Variants in PPP2R2C observed in about 807,000 individuals in gnomAD.
The protein encoded by PPP2R2C is protein phosphatase 2, regulatory subunit B, gamma.
In PPP2R2C, 10 loss-of-function variants were observed where a neutral mutation model predicts 45.3. The observed-to-expected ratio is 0.22, with a 90% CI of 0.14 to 0.37. PPP2R2C has a LOEUF of 0.37. PPP2R2C is among the 10% of genes least tolerant of loss of function. PPP2R2C has a pLI of 1.00. For missense variants in PPP2R2C, 308 were observed against 619.7 expected (o/e 0.50, Z 5.34); for synonymous variants, 257 against 245.4 (o/e 1.05, Z -0.44).
chr4:6,326,336 G>C (rs908251902), intron 8 of PPP2R2C, among the ~76,000 whole-genome samples: 1 of 152,154 alleles, frequency 6.6e-6, no homozygotes, highest in Non-Finnish European at 1.5e-5. Context: ...TAGGGATACA[G>C]CATGGGCCCC....
At chr4:6,393,366 C>A (rs1716786445) in intron 1 of PPP2R2C, among the ~76,000 whole-genome samples, 1 of 152,240 alleles carries the variant, frequency 6.6e-6, no homozygotes, top group African/African-American at 2.4e-5. Context: ...GTCTGCCTGG[C>A]TTCTTCCACT....
rs1172865221 is a variant in PPP2R2C, at chr4:6,364,324, G to A, written c.625+8199C>T. Among the ~76,000 whole-genome samples, 2 of 152,240 alleles carry A rather than the reference G, an allele frequency of 1.3e-5. No individual in the cohort carries two copies. Among genetic ancestry groups the A allele is most frequent in the African/African-American group, 2.4e-5 (1 of 41,462 alleles). On this transcript the variant is annotated intron_variant, in intron 5 of 8. Coordinates refer to ENST00000382599, the MANE Select transcript of PPP2R2C (RefSeq NM_020416.4). This position sits in a 1 kb window ranked among gnomAD's most constrained non-coding sequence, Gnocchi z 5.3. ...TGGTGAAGAGCAGGGGGCCGGGAAC[G>A]CTGAGCCCAGGGAGCAAAGGGAGAG...
chr4:6,344,252 T>G (rs1400887397), intron 6 of PPP2R2C, among the ~76,000 whole-genome samples: 1 of 152,254 alleles, frequency 6.6e-6, no homozygotes, highest in African/African-American at 2.4e-5. Context: ...TAACGTTCAC[T>G]GCAGCCCTGG....
intron 1 of PPP2R2C, among the ~76,000 whole-genome samples, chr4:6,435,942 T>C (rs1719872257): frequency 6.6e-6 from 1 of 152,162 alleles, no homozygotes; most frequent in Non-Finnish European, 1.5e-5. Context: ...TATATAGAAA[T>C]CTTAGCCCCC....
At chr4:6,407,045 G>A (rs1717843988) in intron 1 of PPP2R2C, among the ~76,000 whole-genome samples, 1 of 152,198 alleles carries the variant, frequency 6.6e-6, no homozygotes, top group Non-Finnish European at 1.5e-5. Flanking sequence ...GCCAAGAGAT[G>A]CTGGCAGCCT....
intron 2 of PPP2R2C, among the ~76,000 whole-genome samples, chr4:6,481,815 C>A (rs1456902961): frequency 1.3e-5 from 2 of 151,654 alleles, no homozygotes; most frequent in Non-Finnish European, 2.9e-5. Flanking sequence ...CCCATCTCTA[C>A]TAAAAATACA....
chr4:6,393,047 G>A (rs900904791), intron 1 of PPP2R2C, among the ~76,000 whole-genome samples: 1 of 152,224 alleles, frequency 6.6e-6, no homozygotes, highest in Admixed American at 6.5e-5. Context: ...CATTTCTAAA[G>A]TTGAGGTACA....
chr4:6,512,200 ATGGTGG>A (rs1723613798), intron 2 of PPP2R2C, among the ~76,000 whole-genome samples: 2 of 10,462 alleles, frequency 1.9e-4, no homozygotes, highest in East Asian at 4.0e-3. Flanking sequence ...GGTGGTGGTG[ATGGTGG>A]TGGTGATGGT....
At chr4:6,475,621 G>T (rs372971503), upstream of PPP2R2C, among the ~76,000 whole-genome samples, 5 of 152,224 alleles carry the variant, frequency 3.3e-5, no homozygotes, top group African/African-American at 1.2e-4. Flanking sequence ...CTGAGTTCTC[G>T]TGGTCTCACC....
At chr4:6,346,244 G>A (rs747155894) in intron 6 of PPP2R2C, among the ~76,000 whole-genome samples, 12 of 152,096 alleles carry the variant, frequency 7.9e-5, no homozygotes, top group South Asian at 4.1e-4. Context: ...TCCCAATCTC[G>A]TGACAACCCA....
chr4:6,479,366 C>G (rs1577213288), intron 2 of PPP2R2C, among the ~76,000 whole-genome samples: 1 of 152,170 alleles, frequency 6.6e-6, no homozygotes, highest in Non-Finnish European at 1.5e-5. Flanking sequence ...CAAATAGTGC[C>G]GCAATGGATC....
rs1731492813 is a variant in PPP2R2C, at chr4:6,320,710, A to T, written c.*2592T>A. 6.6e-6 allele frequency: 1 copy of T among 152,520 alleles called. No homozygotes were observed. The allele number at this position is 152,520 out of a possible 1,614,324, so 9.4% of individuals were successfully genotyped here. A position where few individuals can be genotyped will look rare whatever the true frequency, so the allele number is the denominator to read the frequency against. On this transcript the variant is annotated 3_prime_UTR_variant, in exon 9 of 9. Coordinates refer to ENST00000382599, the MANE Select transcript of PPP2R2C (RefSeq NM_020416.4). ...ATGCACCTATGAGTTACAGAGTCCA[A>T]ACTGATCAGGGCTGACAACTTGACC...
chr4:6,410,846 T>TTTA (rs1178342175), intron 1 of PPP2R2C, among the ~76,000 whole-genome samples: 1 of 8,526 alleles, frequency 1.2e-4, no homozygotes, highest in African/African-American at 1.9e-4. Context: ...CCCTGTTTTA[T>TTTA]TTATTTATTT....
chr4:6,337,086 G>C (rs1482444017), intron 6 of PPP2R2C, among the ~76,000 whole-genome samples: 1 of 88,254 alleles, frequency 1.1e-5, no homozygotes, highest in East Asian at 4.1e-4. Flanking sequence ...AATTAAATTG[G>C]CATCTTTGTT....
intron 3 of PPP2R2C, 116 bp from the exon 4 acceptor site, chr4:6,376,047 C>T (rs554416278): frequency 2.4e-6 from 2 of 833,670 alleles, no homozygotes; most frequent in Admixed American, 4.9e-5. Context: ...GGGGGTTCTG[C>T]CAACAGACGG....
At chr4:6,529,015 A>C (rs10017523) in intron 2 of PPP2R2C, among the ~76,000 whole-genome samples, 6 of 152,254 alleles carry the variant, frequency 3.9e-5, no homozygotes, top group Admixed American at 3.3e-4. Context: ...ACGCGCACTA[A>C]ACTTACTTTA....
intron 1 of PPP2R2C, among the ~76,000 whole-genome samples, chr4:6,442,048 G>T (rs1364355562): frequency 6.6e-6 from 1 of 152,204 alleles, no homozygotes; most frequent in Non-Finnish European, 1.5e-5. Flanking sequence ...CGTGGGTGGG[G>T]GAAGGCAGCC....
chr4:6,404,425 G>C (rs896595959), intron 1 of PPP2R2C, among the ~76,000 whole-genome samples: 5 of 152,212 alleles, frequency 3.3e-5, no homozygotes, highest in African/African-American at 1.2e-4. Context: ...ACGGGTGCCA[G>C]CTGCTCCTGA....
At chr4:6,452,543 C>T (rs573035844) in intron 1 of PPP2R2C, among the ~76,000 whole-genome samples, 1 of 152,230 alleles carries the variant, frequency 6.6e-6, no homozygotes, top group Non-Finnish European at 1.5e-5. Context: ...AACTGAGGCC[C>T]AGAGGGCTGT....
Sources: allele counts gnomAD v4.1 joint callset (sites outside exome capture counted in the v4.1 genomes callset), GRCh38; gene constraint gnomAD v4.1.1; non-coding constraint Gnocchi (gnomAD v3.1); transcripts MANE v1.5; gene names NCBI Gene and HGNC (gene_info 2026-07-23, HGNC 2026-07-21).